Variants in ROBO2 observed in about 807,000 individuals in gnomAD.
ROBO2 encodes roundabout homolog 2.
In ROBO2, 53 loss-of-function variants were observed where a neutral mutation model predicts 160.8. The observed-to-expected ratio is 0.33, with a 90% confidence interval of 0.26 to 0.41. ROBO2 has a LOEUF of 0.41. Ranked by LOEUF, ROBO2 falls within the 10% of genes least tolerant of loss-of-function variation. The probability of loss-of-function intolerance (pLI) is 1.00; values close to 1 mark genes in which losing one functional copy is unlikely to be tolerated. For missense variants in ROBO2, 1,577 were observed against 1,722.4 expected (o/e 0.92, Z 1.49); for synonymous variants, 664 against 611.7 (o/e 1.09, Z -1.26).
chr3:76,439,866 C>T (rs967596452), intron 2 of ROBO2, among the ~76,000 whole-genome samples: 4 of 152,134 alleles, frequency 2.6e-5, no homozygotes, highest in African/African-American at 9.7e-5. Flanking sequence ...CACACTCCCA[C>T]GATGGGTAGT....
chr3:76,219,270 G>T (rs984001649), intron 2 of ROBO2, among the ~76,000 whole-genome samples: 2 of 152,158 alleles, frequency 1.3e-5, no homozygotes, highest in Admixed American at 1.3e-4. Flanking sequence ...CATGGGCAAG[G>T]ACTTCATGTC....
chr3:76,676,184 G>A (rs7646176), intron 2 of ROBO2, among the ~76,000 whole-genome samples: 44,546 of 151,890 alleles, frequency 0.29, 7,557 homozygotes, highest in East Asian at 0.52. Flanking sequence ...TAATCCCCAC[G>A]TGTTGGGGGA....
At chr3:76,127,349 G>A (rs2071028299) in intron 2 of ROBO2, among the ~76,000 whole-genome samples, 1 of 151,980 alleles carries the variant, frequency 6.6e-6, no homozygotes, top group Non-Finnish European at 1.5e-5. Flanking sequence ...TCATTTTGTA[G>A]GATAAGTGTT....
At chr3:76,718,061 C>G (rs2093410142) in intron 2 of ROBO2, among the ~76,000 whole-genome samples, 1 of 152,208 alleles carries the variant, frequency 6.6e-6, no homozygotes, top group Non-Finnish European at 1.5e-5. Flanking sequence ...CCTGCCCAAA[C>G]TGGATGGTAG....
At chr3:76,840,676 A>T (rs867787016) in intron 2 of ROBO2, among the ~76,000 whole-genome samples, 12 of 138,640 alleles carry the variant, frequency 8.7e-5, no homozygotes, top group African/African-American at 2.4e-4. Context: ...TATATATATA[A>T]GATGAAGTAA....
At chr3:76,411,210 A>C (rs552090201) in intron 2 of ROBO2, among the ~76,000 whole-genome samples, 6 of 152,254 alleles carry the variant, frequency 3.9e-5, no homozygotes, top group Middle Eastern at 3.4e-3. Context: ...ACCAGACAGA[A>C]CCTTGACGTT....
At chr3:76,332,640 C>A (rs1559778810) in intron 2 of ROBO2, among the ~76,000 whole-genome samples, 1 of 152,118 alleles carries the variant, frequency 6.6e-6, no homozygotes, top group Non-Finnish European at 1.5e-5. Flanking sequence ...TTTCTGAAAC[C>A]ATTTCACATT....
At chr3:76,124,108 A>G (rs563673775) in intron 2 of ROBO2, among the ~76,000 whole-genome samples, 35 of 51,570 alleles carry the variant, frequency 6.8e-4, no homozygotes, top group Admixed American at 2.6e-3. Flanking sequence ...AAAGATGAAT[A>G]AGAGAATCAG....
At position 75,943,167 on chromosome 3, in the gene ROBO2, A is replaced by G. The variant is rs1433483256; in HGVS notation, c.109+5565A>G. 2.0e-5 allele frequency among the ~76,000 whole-genome samples: 3 copies of G among 152,320 alleles called. No homozygotes were observed. In the East Asian group the frequency reaches 5.8e-4, roughly 29 times the overall value. Reference sequence around the variant, plus strand: ...TTCATTTTTATAAGGAAAGAAGTTGATAATTTAGACTTTTTTGTTTTACTA... The same window carrying G: ...TTCATTTTTATAAGGAAAGAAGTTGGTAATTTAGACTTTTTTGTTTTACTA... On this transcript the variant is annotated intron_variant, in intron 2 of 26. Coordinates refer to the ROBO2 transcript ENST00000487694.
intron 2 of ROBO2, among the ~76,000 whole-genome samples, chr3:77,126,172 A>G (rs2075298570): frequency 6.6e-6 from 1 of 152,232 alleles, no homozygotes; most frequent in Non-Finnish European, 1.5e-5. Context: ...GATGCAGAGT[A>G]ACCTCATTAC....
chr3:76,256,299 GTCTCTCTCTCTCTCTCTCTC>G lies in ROBO2; in HGVS notation c.109+318732_109+318751del, dbSNP rs372215718. ...CACTGCAGCCTGGGTGACAGAGTGA[GTCTCTCTCTCTCTCTCTCTC>G]TCTCTCTCTCTCTCTCTCTCTCTCT... On this transcript the variant is annotated intron_variant, in intron 2 of 26. Coordinates refer to the ROBO2 transcript ENST00000487694. Among the ~76,000 whole-genome samples the G allele has an allele frequency of 6.4e-3, 593 of 92,538 alleles. 12 individuals are homozygous for G. The highest frequency in any genetic ancestry group is 0.019 in the African/African-American group (502 of 26,468). 60.7% of individuals were successfully genotyped at this position (92,538 alleles called of 152,430 possible). A position where few individuals can be genotyped will look rare whatever the true frequency, so the allele number is the denominator to read the frequency against.
In ROBO2 at chr3:76,739,205, C is replaced by T. The variant is rs113540710; in HGVS notation, c.110-358809C>T. Among the ~76,000 whole-genome samples the T allele has an allele frequency of 6.9e-3, 1,047 of 152,086 alleles. 6 individuals carry two copies. The highest frequency in any genetic ancestry group is 0.024 in the Middle Eastern group (7 of 294). On this transcript the variant is annotated intron_variant, in intron 2 of 26. Transcript: ENST00000487694. ...CATATGTTTATTGCGGCACTATTCA[C>T]GATAGCAAAGACTTGGAACCAACCC... is the stretch of plus-strand genomic sequence containing the variant.
chr3:77,046,523 T>G (rs1352833352), intron 1 of ROBO2, among the ~76,000 whole-genome samples: 2 of 152,286 alleles, frequency 1.3e-5, no homozygotes, highest in African/African-American at 4.8e-5. Flanking sequence ...TGCAGCTATA[T>G]TGCACAACTC....
rs1418386874 is a variant in ROBO2 at position 76,745,773 on chromosome 3, T to C, written c.110-352241T>C. On this transcript the variant is annotated intron_variant, in intron 2 of 26. Coordinates refer to the ROBO2 transcript ENST00000487694. ...CTGAGTAACTCTCTTCTAAAAATACTCAAATAATTTTTTTAAAAAATTTAT... is the reference window on the plus strand; with the variant it reads ...CTGAGTAACTCTCTTCTAAAAATACCCAAATAATTTTTTTAAAAAATTTAT... Among the ~76,000 whole-genome samples, 3 of 150,182 alleles carry C rather than the reference T, an allele frequency of 2.0e-5. No homozygotes were observed. The East Asian group carries it at 5.8e-4, about 29-fold the overall frequency.
At chr3:77,143,586 C>T (rs1560101378) in intron 2 of ROBO2, among the ~76,000 whole-genome samples, 1 of 152,114 alleles carries the variant, frequency 6.6e-6, no homozygotes, top group Non-Finnish European at 1.5e-5. Flanking sequence ...TTTATACTTA[C>T]TATAAACTCA....
At chr3:77,294,765 A>T (rs1301123183) in intron 2 of ROBO2, among the ~76,000 whole-genome samples, 1 of 150,032 alleles carries the variant, frequency 6.7e-6, no homozygotes, top group Non-Finnish European at 1.5e-5. Context: ...ATCACCCCAG[A>T]CACAAAGTAA....
intron 2 of ROBO2, among the ~76,000 whole-genome samples, chr3:75,954,875 T>C (rs1350986140): frequency 1.3e-5 from 2 of 151,890 alleles, no homozygotes; most frequent in African/African-American, 4.8e-5. Context: ...AATGTAGATA[T>C]ATGAAAAAAT....
At chr3:76,218,701 G>A (rs1703738209) in intron 2 of ROBO2, among the ~76,000 whole-genome samples, 1 of 152,090 alleles carries the variant, frequency 6.6e-6, no homozygotes, top group Admixed American at 6.6e-5. Flanking sequence ...ATGCTCATGG[G>A]TAGGAAGACT....
chr3:76,293,943 G>A (rs1708937005), intron 2 of ROBO2, among the ~76,000 whole-genome samples: 2 of 152,110 alleles, frequency 1.3e-5, no homozygotes, highest in Admixed American at 1.3e-4. Context: ...GTGCTGAGGG[G>A]GTGCCTGCAG....
Sources: allele counts gnomAD v4.1 joint callset (sites outside exome capture counted in the v4.1 genomes callset), GRCh38; gene constraint gnomAD v4.1.1; transcripts MANE v1.5; gene names NCBI Gene and HGNC (gene_info 2026-07-23, HGNC 2026-07-21).